MGAM: variants seen among roughly 807,000 people sequenced by gnomAD.
MGAM encodes the protein maltase-glucoamylase.
MGAM carries 253 observed loss-of-function variants against 358.8 expected under a neutral mutation model. The observed-to-expected ratio is 0.71, with a 90% CI of 0.64 to 0.78. The LOEUF (loss-of-function observed/expected upper bound fraction) is 0.78. Ranked by LOEUF, MGAM falls within the 30% of genes least tolerant of loss-of-function variation. MGAM has a pLI of 0.00. For missense variants in MGAM, 3,080 were observed against 3,432.6 expected, an observed-to-expected ratio of 0.90 and a Z score of 2.57; for synonymous variants, 1,105 against 1,227.1, an observed-to-expected ratio of 0.90 and a Z score of 2.08.
At chr7:142,064,755 T>A (rs1812559589) in intron 37 of MGAM, among the ~76,000 whole-genome samples, 1 of 152,204 alleles carries the variant, frequency 6.6e-6, no homozygotes, top group African/African-American at 2.4e-5. Flanking sequence ...AAAAACTTAA[T>A]GATCCTAGTG....
intron 34 of MGAM, 72 bp from the exon 35 acceptor site, chr7:142,062,496 A>T: frequency 1.3e-6 from 2 of 1,529,236 alleles, no homozygotes; most frequent in East Asian, 4.6e-5. Context: ...TGTGAGTTGC[A>T]TTCTCAGTAA....
chr7:142,023,324 G>T (rs10276356), intron 7 of MGAM, among the ~76,000 whole-genome samples: 5,163 of 151,908 alleles, frequency 0.034, 264 homozygotes, highest in African/African-American at 0.11. Context: ...TTGGTCTCCC[G>T]TAAGTGCTGG....
chr7:142,034,248 T>G lies in MGAM; in HGVS notation c.1670-14T>G. 2 of 1,550,564 alleles carry G rather than the reference T, an allele frequency of 1.3e-6. No individual in the cohort carries two copies. Among genetic ancestry groups the G allele is most frequent in the Non-Finnish European group, 1.8e-6 (2 of 1,138,018 alleles). On this transcript the variant is annotated splice_polypyrimidine_tract_variant and intron_variant, in intron 14 of 70. Coordinates refer to ENST00000475668, the MANE Select transcript of MGAM (RefSeq NM_001365693.1). ...AACTTAGGCTCTCACTGATTGATCC[T>G]GCTTTTGTTTCAGGAATCCTGGATG...
intron 1 of MGAM, among the ~76,000 whole-genome samples, chr7:141,997,365 G>C (rs939501198): frequency 4.0e-4 from 61 of 152,138 alleles, no homozygotes; most frequent in African/African-American, 1.4e-3. Flanking sequence ...GTGCTACCAG[G>C]GACCAAATGA....
chr7:142,096,549 T>A, intron 65 of MGAM, 134 bp downstream of exon 65: 1 of 1,073,882 alleles, frequency 9.3e-7, no homozygotes, highest in Non-Finnish European at 1.4e-6. Flanking sequence ...TTCCTCTCTT[T>A]CTGAGCTGAA....
Position 142,093,522 on chromosome 7 carries a change from G to A in MGAM, c.7144G>A (p.Gly2382Arg), listed in dbSNP as rs569232453. The change falls in exon 60 of 71, where the codon GGG (glycine) becomes AGG (arginine). Residue 2382 changes from glycine to arginine, a missense_variant. Gly to Arg is a moderately radical substitution (Grantham distance 125, BLOSUM62 -2). Coordinates refer to ENST00000475668, the MANE Select transcript of MGAM (RefSeq NM_001365693.1). ...GCACTACAATGTGCACAACCTGTAC[G>A]GGTGGTCCCAGACCAGACCCACATA... ...VQHYNVHNLY[G>R]WSQTRPTYEA... 6.6e-6 allele frequency: 10 copies of A among 1,504,422 alleles called. 1 individual carries two copies. Among genetic ancestry groups the A allele is most frequent in the Admixed American group, 2.0e-5 (1 of 50,590 alleles). The allele number at this position is 1,504,422 out of a possible 1,614,324, so 93.2% of individuals were successfully genotyped here.
At chr7:142,101,536 T>A (rs1165791208) in intron 68 of MGAM, among the ~76,000 whole-genome samples, 4 of 151,970 alleles carry the variant, frequency 2.6e-5, no homozygotes, top group Non-Finnish European at 5.9e-5. Flanking sequence ...TACATTTTAC[T>A]AGTGACTGCT....
At chr7:142,084,969 AAAT>A (rs1485359041) in intron 54 of MGAM, among the ~76,000 whole-genome samples, 4 of 146,556 alleles carry the variant, frequency 2.7e-5, no homozygotes, top group African/African-American at 9.7e-5. Flanking sequence ...CCATAAGAAT[AAAT>A]AATATCCACA....
chr7:142,051,369 G>C (rs1038948880), intron 24 of MGAM, among the ~76,000 whole-genome samples: 89 of 152,046 alleles, frequency 5.9e-4, no homozygotes, highest in Non-Finnish European at 1.2e-3. Flanking sequence ...GAGTGGGAGT[G>C]GGGGCTGGGG....
chr7:142,091,858 G>A, intron 57 of MGAM, 55 bp from the exon 58 acceptor site: 9 of 1,376,986 alleles, frequency 6.5e-6, no homozygotes, highest in Non-Finnish European at 8.9e-6. Flanking sequence ...GTAAGTGCCT[G>A]TTTGCTGTCT....
chr7:142,039,937 G>A lies in MGAM; in HGVS notation c.2317-178G>A, dbSNP rs1584964216. 5.3e-5 allele frequency among the ~76,000 whole-genome samples: 8 copies of A among 152,194 alleles called. 2 individuals carry two copies. Among genetic ancestry groups the A allele is most frequent in the Admixed American group, 5.2e-4 (8 of 15,270 alleles). On this transcript the variant is annotated intron_variant, in intron 19 of 70. Transcript: ENST00000475668. ...TTATTCCTAATGTGGCTACGTTTGG[G>A]ATTTCTCTCTGGGTTGCCAAGTTAC...
intron 29 of MGAM, among the ~76,000 whole-genome samples, chr7:142,056,591 A>G (rs987792964): frequency 5.9e-5 from 9 of 152,206 alleles, no homozygotes; most frequent in African/African-American, 2.2e-4. Flanking sequence ...GTAAAAAATA[A>G]TAATTTTATA....
At chr7:142,021,185 AT>A in intron 5 of MGAM, 102 bp downstream of exon 5, 1 of 733,344 alleles carries the variant, frequency 1.4e-6, no homozygotes. Context: ...TACTGGATGT[AT>A]TTTTCTATAT....
chr7:142,037,521 A>C (rs1458305084), intron 18 of MGAM, among the ~76,000 whole-genome samples: 2 of 152,210 alleles, frequency 1.3e-5, no homozygotes, highest in African/African-American at 4.8e-5. Flanking sequence ...TCTTGTCAAA[A>C]TACAGTCAAC....
intron 2 of MGAM, among the ~76,000 whole-genome samples, chr7:141,989,541 G>A (rs536375335): frequency 6.7e-6 from 1 of 149,788 alleles, no homozygotes; most frequent in Non-Finnish European, 1.5e-5. Context: ...GAAACTCCAT[G>A]TTCTTCTTTC....
At chr7:142,065,305 T>G in intron 37 of MGAM, 30 bp from the exon 38 acceptor site, 1 of 1,597,400 alleles carries the variant, frequency 6.3e-7, no homozygotes, top group Non-Finnish European at 8.5e-7. Flanking sequence ...GGCTGTTGCC[T>G]CAGTTCACCT....
At chr7:142,031,108 G>A (rs1355341340) in intron 12 of MGAM, among the ~76,000 whole-genome samples, 1 of 152,028 alleles carries the variant, frequency 6.6e-6, no homozygotes, top group Non-Finnish European at 1.5e-5. Flanking sequence ...TTTCTCACTG[G>A]TAAGTCCAGC....
intron 56 of MGAM, 91 bp downstream of exon 56, chr7:142,086,419 T>C: frequency 2.7e-6 from 3 of 1,108,342 alleles, no homozygotes; most frequent in Non-Finnish European, 3.8e-6. Flanking sequence ...TTTTTGGCCT[T>C]TTCTATTTGG....
intron 8 of MGAM, among the ~76,000 whole-genome samples, 195 bp from the exon 9 acceptor site, chr7:142,026,920 A>G (rs906451953): frequency 1.1e-4 from 17 of 152,164 alleles, no homozygotes; most frequent in Admixed American, 7.2e-4. Flanking sequence ...TGTCACAGAA[A>G]AAATGCCTTG....
Sources: allele counts gnomAD v4.1 joint callset (sites outside exome capture counted in the v4.1 genomes callset), GRCh38; gene constraint gnomAD v4.1.1; transcripts MANE v1.5; gene names NCBI Gene and HGNC (gene_info 2026-07-23, HGNC 2026-07-21).